Variants in NXPH1 observed in about 807,000 individuals in gnomAD.
NXPH1 encodes neurexophilin-1.
NXPH1 carries 5 observed loss-of-function variants against 23.7 expected under a neutral mutation model. That is an observed-to-expected ratio of 0.21 (90% CI 0.11 to 0.44). The LOEUF is 0.44. NXPH1 is among the 20% of genes least tolerant of loss of function. The pLI is 0.99. For missense variants in NXPH1, 324 were observed against 321.6 expected (o/e 1.01, Z -0.06); for synonymous variants, 144 against 122.2 (o/e 1.18, Z -1.18).
At chr7:8,679,734 T>C (rs1821022040) in intron 2 of NXPH1, among the ~76,000 whole-genome samples, 1 of 152,200 alleles carries the variant, frequency 6.6e-6, no homozygotes, top group Non-Finnish European at 1.5e-5. Flanking sequence ...CATTAAGATT[T>C]AAGCTAGGCT....
At chr7:8,658,150 A>G (rs1820611323) in intron 2 of NXPH1, among the ~76,000 whole-genome samples, 1 of 152,250 alleles carries the variant, frequency 6.6e-6, no homozygotes, top group Admixed American at 6.5e-5. Flanking sequence ...GTATTTAGTG[A>G]CTTCGAAAAT....
Position 8,532,479 on chromosome 7 carries a change from G to T in NXPH1, c.54+96712G>T, listed in dbSNP as rs867121943. Among the ~76,000 whole-genome samples the T allele has an allele frequency of 7.0e-3, 893 of 127,132 alleles. 9 individuals carry two copies. The highest frequency in any genetic ancestry group is 0.024 in the African/African-American group (836 of 34,746). The allele number at this position is 127,132 out of a possible 152,430, so 83.4% of individuals were successfully genotyped here. A position where few individuals can be genotyped will look rare whatever the true frequency, so the allele number is the denominator to read the frequency against. ...TTTCATATTTTTTTTGGGGGGGGGG[G>T]AGGGGGCTGCTTTTTACAGGGCTCT... On this transcript the variant is annotated intron_variant, in intron 2 of 2. Transcript: ENST00000405863.
intron 2 of NXPH1, among the ~76,000 whole-genome samples, chr7:8,578,370 A>G (rs1818794128): frequency 6.6e-6 from 1 of 152,176 alleles, no homozygotes. Context: ...TAAGTCAGGG[A>G]CTGTCTATAT....
chr7:8,752,127 A>C lies in NXPH1; in HGVS notation c.*358A>C. ...AATGGTTCAGGATCAACTATCATCA[A>C]ACGGAAGGATTAACTAGACAGAGAA... On this transcript the variant is annotated 3_prime_UTR_variant, in exon 3 of 3. Coordinates refer to ENST00000405863, the MANE Select transcript of NXPH1 (RefSeq NM_152745.3). 1 of 199,302 alleles carries C rather than the reference A, an allele frequency of 5.0e-6. No individual in the cohort carries two copies. Among genetic ancestry groups the C allele is most frequent in the Non-Finnish European group, 1.0e-5 (1 of 95,340 alleles). The allele number at this position is 199,302 out of a possible 1,614,324, so 12.3% of individuals were successfully genotyped here.
At position 8,595,118 on chromosome 7, in the gene NXPH1, G is replaced by A. The variant is rs186466333; in HGVS notation, c.55-155890G>A. Among the ~76,000 whole-genome samples the A allele has an allele frequency of 7.3e-4, 111 of 152,064 alleles. 1 individual carries two copies. The highest frequency in any genetic ancestry group is 2.5e-3 in the African/African-American group (104 of 41,522). On this transcript the variant is annotated intron_variant, in intron 2 of 2. Transcript: ENST00000405863. ...AACATCATCATAATGTTCTTTGGAA[G>A]CACACTTTTATCTGTCTTTTAAAAA...
chr7:8,593,171 A>ATTTTT (rs61424859), intron 2 of NXPH1, among the ~76,000 whole-genome samples: 2 of 141,624 alleles, frequency 1.4e-5, no homozygotes. Flanking sequence ...AGTAAGAAGC[A>ATTTTT]TTTTTTTTTT....
At chr7:8,559,313 AAAAAG>A (rs1818406269) in intron 2 of NXPH1, among the ~76,000 whole-genome samples, 1 of 151,672 alleles carries the variant, frequency 6.6e-6, no homozygotes, top group South Asian at 2.1e-4. Context: ...AATTTGATTG[AAAAAG>A]AAAAGTCCTT....
intron 2 of NXPH1, among the ~76,000 whole-genome samples, chr7:8,470,387 T>C (rs1331271531): frequency 6.6e-6 from 1 of 152,178 alleles, no homozygotes; most frequent in Non-Finnish European, 1.5e-5. Context: ...TGAAGACGCC[T>C]GAATTTTTTG....
intron 2 of NXPH1, among the ~76,000 whole-genome samples, chr7:8,612,855 G>GA (rs1819650373): frequency 1.3e-5 from 2 of 151,928 alleles, no homozygotes; most frequent in Admixed American, 1.3e-4. Flanking sequence ...TAAAAATATT[G>GA]AAAAAATGCA....
chr7:8,735,324 C>T (rs80259022), intron 2 of NXPH1, among the ~76,000 whole-genome samples: 1 of 152,190 alleles, frequency 6.6e-6, no homozygotes, highest in Admixed American at 6.5e-5. Context: ...CCATCAATAC[C>T]TAGTTTATTG....
Position 8,581,178 on chromosome 7 carries a change from G to T in NXPH1, c.54+145411G>T, listed in dbSNP as rs561635118. 1.5e-4 allele frequency among the ~76,000 whole-genome samples: 23 copies of T among 152,254 alleles called. No individual in the cohort carries two copies. In the East Asian group the frequency reaches 4.4e-3, roughly 29 times the overall value. On this transcript the variant is annotated intron_variant, in intron 2 of 2. Transcript: ENST00000405863. Reference sequence around the variant, plus strand: ...GAAAGCCATTCTCTTTCTCATTCCTGTTCTTCCTTTTTTTAAAAATATATA... The same window carrying T: ...GAAAGCCATTCTCTTTCTCATTCCTTTTCTTCCTTTTTTTAAAAATATATA...
chr7:8,663,006 G>A (rs1211711985), intron 2 of NXPH1, among the ~76,000 whole-genome samples: 1 of 152,052 alleles, frequency 6.6e-6, no homozygotes, highest in Non-Finnish European at 1.5e-5. Flanking sequence ...GAAGGTATGA[G>A]TGTAATACTG....
intron 2 of NXPH1, among the ~76,000 whole-genome samples, chr7:8,738,437 G>T (rs1191847710): frequency 2.6e-5 from 4 of 152,176 alleles, no homozygotes; most frequent in African/African-American, 4.8e-5. Context: ...GTTTGGCTGG[G>T]TATCACCAGA....
chr7:8,499,186 T>A (rs561102049), intron 2 of NXPH1, among the ~76,000 whole-genome samples: 6 of 152,124 alleles, frequency 3.9e-5, no homozygotes, highest in African/African-American at 1.4e-4. Flanking sequence ...GAAAGGATGA[T>A]CCTTAAGGAA....
intron 2 of NXPH1, among the ~76,000 whole-genome samples, chr7:8,512,263 G>A (rs1165556161): frequency 6.6e-6 from 1 of 152,078 alleles, no homozygotes; most frequent in Non-Finnish European, 1.5e-5. Flanking sequence ...GGTTGGAAGG[G>A]GTTATGAGCT....
At chr7:8,593,839 T>C (rs1819157108) in intron 2 of NXPH1, among the ~76,000 whole-genome samples, 1 of 152,066 alleles carries the variant, frequency 6.6e-6, no homozygotes, top group South Asian at 2.1e-4. Flanking sequence ...ACATTTTCCA[T>C]AGATTGGAAG....
At position 8,540,067 on chromosome 7, in the gene NXPH1, C is replaced by T. The variant is rs181624377; in HGVS notation, c.54+104300C>T. ...TTGGAAAATATGAAATTCTATTACA[C>T]GCTAATTTTATAGCAGATTTATTAG... is the stretch of plus-strand genomic sequence containing the variant. On this transcript the variant is annotated intron_variant, in intron 2 of 2. Coordinates refer to ENST00000405863, the MANE Select transcript of NXPH1 (RefSeq NM_152745.3). Among the ~76,000 whole-genome samples, 28 of 151,812 alleles carry T rather than the reference C, an allele frequency of 1.8e-4. No individual in the cohort carries two copies. The East Asian group carries it at 4.5e-3, about 24-fold the overall frequency.
intron 2 of NXPH1, among the ~76,000 whole-genome samples, chr7:8,617,442 G>GAT (rs541382752): frequency 1.2e-4 from 19 of 152,002 alleles, no homozygotes; most frequent in East Asian, 5.8e-4. Flanking sequence ...AAGAAAATGT[G>GAT]ATATATATAT....
At chr7:8,738,455 G>T (rs181331324) in intron 2 of NXPH1, among the ~76,000 whole-genome samples, 1 of 152,326 alleles carries the variant, frequency 6.6e-6, no homozygotes, top group East Asian at 1.9e-4. Context: ...AGAGGAGGCT[G>T]CAGAACAGCA....
Sources: gnomAD v4.1 joint callset for allele counts (sites outside exome capture counted in the v4.1 genomes callset) on GRCh38, gnomAD v4.1.1 for gene constraint, MANE v1.5 for transcripts, NCBI Gene and HGNC (gene_info 2026-07-23, HGNC 2026-07-21) for gene names.